ZNF423: variants seen among roughly 807,000 people sequenced by gnomAD.
ZNF423 encodes the protein Ebf-associated zinc finger protein.
ZNF423 carries 12 observed loss-of-function variants against 95.8 expected under a neutral mutation model. The observed-to-expected ratio is 0.13, with a 90% CI of 0.08 to 0.20. The LOEUF (loss-of-function observed/expected upper bound fraction) is 0.20. Among genes scored for constraint, ZNF423 ranks in the 10% least tolerant of loss-of-function variants. The probability of loss-of-function intolerance (pLI) is 1.00; values close to 1 mark genes in which losing one functional copy is unlikely to be tolerated. For synonymous variants in ZNF423, 749 were observed against 711.9 expected, an observed-to-expected ratio of 1.05 and a Z score of -0.83; for missense variants, 1,316 against 1,737.1, an observed-to-expected ratio of 0.76 and a Z score of 4.31.
chr16:49,722,031 A>C (rs1474891539), intron 3 of ZNF423, among the ~76,000 whole-genome samples: 1 of 152,180 alleles, frequency 6.6e-6, no homozygotes, highest in Non-Finnish European at 1.5e-5. Flanking sequence ...GTGAATAAAA[A>C]TGTCAGCAAC....
At chr16:49,526,226 C>T (rs907920993) in intron 5 of ZNF423, among the ~76,000 whole-genome samples, 2 of 152,154 alleles carry the variant, frequency 1.3e-5, no homozygotes, top group Non-Finnish European at 2.9e-5. Context: ...AATTTTACTT[C>T]GAGACTGACG....
chr16:49,788,968 C>T (rs1484678980), intron 2 of ZNF423, among the ~76,000 whole-genome samples: 1 of 152,196 alleles, frequency 6.6e-6, no homozygotes, highest in Non-Finnish European at 1.5e-5. Flanking sequence ...CAGGAAAGAG[C>T]TTATGCGGGG....
In ZNF423 at chr16:49,524,166, G is replaced by A. The variant is rs1968512511; in HGVS notation, c.3734-427C>T. On this transcript the variant is annotated intron_variant, in intron 6 of 7. Transcript: ENST00000563137. ...TTCTTGAACCCCTCCCAGGCCTGTA[G>A]GACAGGTGCTATTATCCCCATTTTA... Among the ~76,000 whole-genome samples the A allele has an allele frequency of 2.0e-5, 3 of 152,270 alleles. 1 individual carries two copies. In the South Asian group the frequency reaches 6.2e-4, roughly 32 times the overall value.
chr16:49,702,816 G>A (rs1255379951), intron 3 of ZNF423, among the ~76,000 whole-genome samples: 3 of 152,122 alleles, frequency 2.0e-5, no homozygotes, highest in African/African-American at 7.2e-5. Context: ...AGCCCCACAC[G>A]CTTCCAAGCT....
intron 5 of ZNF423, among the ~76,000 whole-genome samples, chr16:49,545,603 A>G (rs1455875191): frequency 2.0e-5 from 3 of 152,218 alleles, no homozygotes; most frequent in Admixed American, 6.5e-5. Context: ...TCATGCTGAA[A>G]CAATTCTCCC....
chr16:49,683,312 C>G (rs917894922), intron 3 of ZNF423, among the ~76,000 whole-genome samples: 3 of 152,206 alleles, frequency 2.0e-5, no homozygotes, highest in African/African-American at 7.2e-5. Context: ...TGTAAAATCA[C>G]TACTGGAGAA....
chr16:49,551,857 G>A (rs970351990), intron 5 of ZNF423, among the ~76,000 whole-genome samples: 3 of 152,224 alleles, frequency 2.0e-5, no homozygotes, highest in African/African-American at 7.2e-5. Flanking sequence ...AAGTCAAGGT[G>A]TTTGGACACC....
chr16:49,533,702 G>A (rs1968942965), intron 5 of ZNF423, among the ~76,000 whole-genome samples: 1 of 152,248 alleles, frequency 6.6e-6, no homozygotes, highest in Non-Finnish European at 1.5e-5. Context: ...ACATGGCCAA[G>A]AACCAGGCTG....
intron 3 of ZNF423, among the ~76,000 whole-genome samples, chr16:49,676,155 C>T (rs751806418): frequency 1.1e-4 from 17 of 152,222 alleles, no homozygotes; most frequent in Admixed American, 3.9e-4. Context: ...AGTGGGCAAA[C>T]GGGAACAGCC....
intron 7 of ZNF423, among the ~76,000 whole-genome samples, chr16:49,507,958 C>T (rs997805244): frequency 6.6e-6 from 1 of 152,178 alleles, no homozygotes; most frequent in South Asian, 2.1e-4. Context: ...GCTGCCAGGC[C>T]TGATTTATAG....
At chr16:49,807,957 A>G (rs900625276) in intron 1 of ZNF423, among the ~76,000 whole-genome samples, 6 of 152,148 alleles carry the variant, frequency 3.9e-5, no homozygotes, top group South Asian at 2.1e-4. Context: ...TTTTCTTCCC[A>G]TCAACTCCCT....
At chr16:49,829,201 G>A (rs2035037109) in intron 1 of ZNF423, among the ~76,000 whole-genome samples, 2 of 152,218 alleles carry the variant, frequency 1.3e-5, no homozygotes, top group South Asian at 4.1e-4. Context: ...CCACCTCTGT[G>A]TTGTGTAGAA....
chr16:49,726,324 C>A (rs2033012644), intron 3 of ZNF423, among the ~76,000 whole-genome samples: 1 of 152,188 alleles, frequency 6.6e-6, no homozygotes, highest in South Asian at 2.1e-4. Context: ...AAAATCCAGA[C>A]TACAGGCCCA....
intron 5 of ZNF423, among the ~76,000 whole-genome samples, chr16:49,610,089 T>C (rs1971673862): frequency 6.6e-6 from 1 of 152,098 alleles, no homozygotes; most frequent in Non-Finnish European, 1.5e-5. Context: ...CTACATCCAG[T>C]GAAAATGACC....
chr16:49,610,125 T>C (rs899952526), intron 5 of ZNF423, among the ~76,000 whole-genome samples: 2 of 152,176 alleles, frequency 1.3e-5, no homozygotes, highest in African/African-American at 4.8e-5. Context: ...AAAATTGAGA[T>C]ACTCTCAGAT....
intron 2 of ZNF423, among the ~76,000 whole-genome samples, chr16:49,775,462 C>A (rs2034105529): frequency 6.6e-6 from 1 of 152,204 alleles, no homozygotes; most frequent in African/African-American, 2.4e-5. Flanking sequence ...GACAGCCTTT[C>A]ATTAGTAATC....
intron 1 of ZNF423, among the ~76,000 whole-genome samples, chr16:49,815,311 T>C (rs1184272799): frequency 6.6e-6 from 1 of 152,130 alleles, no homozygotes; most frequent in Non-Finnish European, 1.5e-5. Context: ...AAGCAGCAGC[T>C]GCACAAAGAT....
intron 3 of ZNF423, among the ~76,000 whole-genome samples, chr16:49,719,261 G>A (rs952796106): frequency 4.6e-5 from 7 of 152,194 alleles, no homozygotes; most frequent in South Asian, 4.1e-4. Context: ...CAGACCTGAC[G>A]GGAAAGGAAG....
At chr16:49,857,957 G>A (rs1470962367), upstream of ZNF423, 1 of 152,194 alleles carries the variant, frequency 6.6e-6, no homozygotes, top group Non-Finnish European at 1.5e-5. This position sits in a 1 kb window ranked among gnomAD's most constrained non-coding sequence, Gnocchi z 6.2. Flanking sequence ...GTTCCTCGGA[G>A]CCTCTCCCTC....
Sources: allele counts gnomAD v4.1 joint callset (sites outside exome capture counted in the v4.1 genomes callset), GRCh38; gene constraint gnomAD v4.1.1; non-coding constraint Gnocchi (gnomAD v3.1); transcripts MANE v1.5; gene names NCBI Gene and HGNC (gene_info 2026-07-23, HGNC 2026-07-21).